The following BHMT2 variants were observed in gnomAD, a reference collection of about 807,000 sequenced individuals.
BHMT2 encodes betaine--homocysteine S-methyltransferase 2.
Under a neutral mutation model 39.0 loss-of-function variants are expected in BHMT2, and 28 were observed. The ratio of observed to expected loss-of-function variants is 0.72; its 90% CI spans 0.53 to 0.98. BHMT2 has a LOEUF of 0.98. Among genes scored for constraint, BHMT2 ranks in the 50% least tolerant of loss-of-function variants. The pLI is 0.00. For synonymous variants in BHMT2, 145 were observed against 160.6 expected, an observed-to-expected ratio of 0.90 and a Z score of 0.74; for missense variants, 410 against 455.6, an observed-to-expected ratio of 0.90 and a Z score of 0.91.
chr5:79,084,493 C>T lies in BHMT2; in HGVS notation c.1010+637C>T, dbSNP rs190650867. Among the ~76,000 whole-genome samples, 1,009 of 152,160 alleles carry T rather than the reference C, an allele frequency of 6.6e-3. 2 individuals carry two copies. Among genetic ancestry groups the T allele is most frequent in the Admixed American group, 0.011 (161 of 15,288 alleles). ...TTCACTATGTTACCCAGGCTGGTCTCGAACTCCTGACCTCGTAATCCGCCT... is the reference window on the plus strand; with the variant it reads ...TTCACTATGTTACCCAGGCTGGTCTTGAACTCCTGACCTCGTAATCCGCCT... On this transcript the variant is annotated intron_variant, in intron 7 of 7. Coordinates refer to ENST00000255192, the MANE Select transcript of BHMT2 (RefSeq NM_017614.5).
intron 5 of BHMT2, 85 bp from the exon 6 acceptor site, chr5:79,083,107 G>C: frequency 6.3e-7 from 1 of 1,582,136 alleles, no homozygotes. Context: ...GAGGGGAATG[G>C]CTAACCTCTA....
At chr5:79,083,011 C>A in intron 5 of BHMT2, 55 bp downstream of exon 5, 2 of 1,606,344 alleles carry the variant, frequency 1.2e-6, no homozygotes, top group Non-Finnish European at 8.5e-7. Context: ...CGAAATTTAA[C>A]AAAGTGTGCT....
At chr5:79,077,447 G>C in intron 1 of BHMT2, 33 bp from the exon 2 acceptor site, 1 of 1,571,848 alleles carries the variant, frequency 6.4e-7, no homozygotes. Flanking sequence ...AAAAAGTAGA[G>C]CGGAGCTTAG....
In BHMT2 at chr5:79,079,442, G is replaced by A. The variant is rs560084403; in HGVS notation, c.240G>A (p.Glu80=). The A allele has an allele frequency of 2.5e-6, 4 of 1,613,444 alleles. No homozygotes were observed. The highest frequency in any genetic ancestry group is 1.1e-5 in the South Asian group (1 of 91,020). The change falls in exon 3 of 8, where the codon GAG becomes GAA. Residue 80 remains glutamate, a synonymous_variant. Transcript: ENST00000255192. ...VMQTFTFSAS[E]DNMESKWEDV... ...AGACTTTTACCTTTTCTGCCAGTGAGGACAATATGGAAAGCAAGGTAAACG... is the reference window on the plus strand; with the variant it reads ...AGACTTTTACCTTTTCTGCCAGTGAAGACAATATGGAAAGCAAGGTAAACG...
intron 3 of BHMT2, 132 bp from the exon 4 acceptor site, chr5:79,080,555 T>G: frequency 1.4e-6 from 1 of 704,692 alleles, no homozygotes; most frequent in Non-Finnish European, 2.3e-6. Flanking sequence ...CCAACTCTGC[T>G]GGTCTTTTCT....
intron 7 of BHMT2, 63 bp from the exon 8 acceptor site, chr5:79,088,430 A>G (rs1755948458): frequency 1.7e-6 from 2 of 1,175,118 alleles, no homozygotes; most frequent in African/African-American, 3.1e-5. Flanking sequence ...ATATACATAT[A>G]TGACATATTG....
intron 1 of BHMT2, among the ~76,000 whole-genome samples, chr5:79,073,743 T>C (rs952795288): frequency 6.6e-6 from 1 of 152,206 alleles, no homozygotes; most frequent in African/African-American, 2.4e-5. Context: ...ATGTTTAACA[T>C]AGTTCACACA....
rs1228172255 is a variant in BHMT2 at position 79,069,839 on chromosome 5, C to T, written c.33+24C>T. 2.1e-6 allele frequency: 3 copies of T among 1,402,760 alleles called. No individual in the cohort carries two copies. The African/African-American group carries it at 4.5e-5, about 21-fold the overall frequency. 86.9% of individuals were successfully genotyped at this position (1,402,760 alleles called of 1,614,324 possible). A position where few individuals can be genotyped will look rare whatever the true frequency, so the allele number is the denominator to read the frequency against. ...AGGTGAGTTTCGTCCCCTCGATCCT[C>T]GCGGAGCTCCTGGCCGCTGGGCTGC... On this transcript the variant is annotated intron_variant, in intron 1 of 7. Coordinates refer to ENST00000255192, the MANE Select transcript of BHMT2 (RefSeq NM_017614.5).
intron 1 of BHMT2, among the ~76,000 whole-genome samples, 158 bp downstream of exon 1, chr5:79,069,973 G>C (rs1205907497): frequency 6.6e-6 from 1 of 152,212 alleles, no homozygotes; most frequent in Non-Finnish European, 1.5e-5. Flanking sequence ...TCACGGGTTG[G>C]TTAGCGTTTA....
chr5:79,083,486 CAG>C (rs1250861635), intron 6 of BHMT2, 112 bp downstream of exon 6: 6 of 1,467,620 alleles, frequency 4.1e-6, no homozygotes, highest in Non-Finnish European at 4.5e-6. Flanking sequence ...ACAAAACATT[CAG>C]AGTTAACCAA....
Position 79,083,011 on chromosome 5 carries a change from C to T in BHMT2, c.598+55C>T, listed in dbSNP as rs886221361. On this transcript the variant is annotated intron_variant, in intron 5 of 7. Coordinates refer to ENST00000255192, the MANE Select transcript of BHMT2 (RefSeq NM_017614.5). ...CTCAGTTGTTGCTTACGAAATTTAA[C>T]AAAGTGTGCTTGATATTGTGAGAGC... 3.1e-6 allele frequency: 5 copies of T among 1,606,226 alleles called. No individual in the cohort carries two copies. The African/African-American group carries it at 6.7e-5, about 22-fold the overall frequency.
chr5:79,080,131 G>A (rs930822941), intron 3 of BHMT2, among the ~76,000 whole-genome samples: 1 of 152,166 alleles, frequency 6.6e-6, no homozygotes, highest in East Asian at 1.9e-4. Flanking sequence ...AGAAAAAACG[G>A]GTTTGATATC....
Position 79,077,828 on chromosome 5 carries a change from C to T in BHMT2, c.166+216C>T, listed in dbSNP as rs533147962. The T allele has an allele frequency of 5.5e-5, 23 of 418,348 alleles. 1 individual carries two copies. In the South Asian group the frequency reaches 7.2e-4, roughly 13 times the overall value. The allele number at this position is 418,348 out of a possible 1,614,324, so 25.9% of individuals were successfully genotyped here. ...CACACACCTACCCACATCACACACC[C>T]ACCCATCCACACGCCCACACACACT... On this transcript the variant is annotated intron_variant, in intron 2 of 7. Coordinates refer to ENST00000255192, the MANE Select transcript of BHMT2 (RefSeq NM_017614.5).
At chr5:79,086,300 C>A (rs1755892608) in intron 7 of BHMT2, among the ~76,000 whole-genome samples, 6 of 152,152 alleles carry the variant, frequency 3.9e-5, no homozygotes, top group African/African-American at 1.2e-4. Context: ...TTTAACAGCA[C>A]CCCTTTTGCC....
intron 1 of BHMT2, 78 bp from the exon 2 acceptor site, chr5:79,077,402 C>G: frequency 6.5e-7 from 1 of 1,530,640 alleles, no homozygotes; most frequent in Non-Finnish European, 8.8e-7. Flanking sequence ...AATACCACTT[C>G]ACCTAAAATT....
chr5:79,080,916 T>C (rs113561611), intron 4 of BHMT2, 38 bp downstream of exon 4: 1 of 1,514,902 alleles, frequency 6.6e-7, no homozygotes, highest in Non-Finnish European at 8.8e-7. Flanking sequence ...TGAACCTATT[T>C]TGCAAGCATA....
intron 7 of BHMT2, among the ~76,000 whole-genome samples, chr5:79,085,853 G>A (rs1331570374): frequency 6.6e-6 from 1 of 152,172 alleles, no homozygotes; most frequent in Non-Finnish European, 1.5e-5. Context: ...CTCTTTCTCT[G>A]TTATGCTCCC....
At chr5:79,080,653 G>T (rs1002662400) in intron 3 of BHMT2, 34 bp from the exon 4 acceptor site, 10 of 1,542,260 alleles carry the variant, frequency 6.5e-6, no homozygotes, top group Non-Finnish European at 8.7e-6. Context: ...AAACTGCTAG[G>T]CTCACTATCT....
rs938394098 is a variant in BHMT2 at position 79,087,020 on chromosome 5, A to G, written c.1011-1473A>G. 3.7e-3 allele frequency among the ~76,000 whole-genome samples: 538 copies of G among 144,596 alleles called. 3 individuals are homozygous for G. The highest frequency in any genetic ancestry group is 0.013 in the African/African-American group (520 of 39,418). 94.9% of individuals were successfully genotyped at this position (144,596 alleles called of 152,430 possible). A position where few individuals can be genotyped will look rare whatever the true frequency, so the allele number is the denominator to read the frequency against. ...TGTATGTGTGTGTGTGTGTGTATAT[A>G]TATATATATATATATATATATACAT... On this transcript the variant is annotated intron_variant, in intron 7 of 7. Coordinates refer to ENST00000255192, the MANE Select transcript of BHMT2 (RefSeq NM_017614.5).
Sources: gnomAD v4.1 joint callset for allele counts (sites outside exome capture counted in the v4.1 genomes callset) on GRCh38, gnomAD v4.1.1 for gene constraint, MANE v1.5 for transcripts, NCBI Gene and HGNC (gene_info 2026-07-23, HGNC 2026-07-21) for gene names.